The following CDH20 variants were observed in gnomAD, a reference collection of about 807,000 sequenced individuals.
CDH20 encodes the protein cadherin 20.
Under a neutral mutation model 74.2 loss-of-function variants are expected in CDH20, and 29 were observed. That is an observed-to-expected ratio of 0.39 (90% CI 0.29 to 0.53). The LOEUF is 0.53. CDH20 is among the 20% of genes least tolerant of loss of function. The probability of loss-of-function intolerance (pLI) is 0.69; values close to 1 mark genes in which losing one functional copy is unlikely to be tolerated. For synonymous variants in CDH20, 469 were observed against 405.4 expected (o/e 1.16, Z -1.88); for missense variants, 988 against 1,048.3 (o/e 0.94, Z 0.79).
intron 5 of CDH20, 61 bp downstream of exon 5, chr18:61,503,181 G>T (rs1911446303): frequency 1.5e-6 from 2 of 1,314,574 alleles, no homozygotes; most frequent in Non-Finnish European, 2.0e-6. Flanking sequence ...CCGTTGCAGA[G>T]GTGCGGGAGA....
intron 6 of CDH20, among the ~76,000 whole-genome samples, chr18:61,512,206 A>G (rs1911809346): frequency 6.6e-6 from 1 of 152,236 alleles, no homozygotes; most frequent in South Asian, 2.1e-4. Context: ...TTAGCTTTTA[A>G]GTAATCAATC....
chr18:61,493,525 C>T (rs1426599818), intron 2 of CDH20, among the ~76,000 whole-genome samples: 4 of 152,174 alleles, frequency 2.6e-5, no homozygotes, highest in African/African-American at 9.7e-5. Context: ...CAAATCAGGT[C>T]CTCATCCCAA....
chr18:61,443,163 CA>C (rs754075806), intron 1 of CDH20, among the ~76,000 whole-genome samples: 11 of 152,112 alleles, frequency 7.2e-5, no homozygotes, highest in Non-Finnish European at 1.5e-4. Flanking sequence ...GGCTGAGCAA[CA>C]ATTGTGCTTG....
chr18:61,465,353 T>C (rs532974331), intron 1 of CDH20, among the ~76,000 whole-genome samples: 85 of 152,356 alleles, frequency 5.6e-4, no homozygotes, highest in Non-Finnish European at 1.0e-3. Flanking sequence ...TTGGATCTGA[T>C]AGTTACAATT....
intron 1 of CDH20, among the ~76,000 whole-genome samples, chr18:61,474,526 C>G (rs1030992643): frequency 6.6e-6 from 1 of 152,164 alleles, no homozygotes; most frequent in African/African-American, 2.4e-5. Flanking sequence ...GAGAGGATCC[C>G]AGTCCCACCT....
intron 1 of CDH20, among the ~76,000 whole-genome samples, chr18:61,490,040 C>T (rs2144295556): frequency 1.3e-5 from 2 of 152,172 alleles, no homozygotes; most frequent in South Asian, 4.1e-4. Context: ...TAAATGAATG[C>T]TGCTTTTAAG....
At chr18:61,340,441 A>G (rs1032962680) in intron 1 of CDH20, among the ~76,000 whole-genome samples, 4 of 152,090 alleles carry the variant, frequency 2.6e-5, no homozygotes, top group African/African-American at 9.7e-5. Flanking sequence ...ATAGCATGGA[A>G]AGAGGTACAG....
Position 61,523,744 on chromosome 18 carries a change from A to G in CDH20, c.1018-4223A>G, listed in dbSNP as rs560142848. Among the ~76,000 whole-genome samples the G allele has an allele frequency of 8.5e-5, 13 of 152,348 alleles. No homozygotes were observed. The South Asian group carries it at 2.7e-3, about 32-fold the overall frequency. On this transcript the variant is annotated intron_variant, in intron 6 of 11. Coordinates refer to ENST00000262717, the MANE Select transcript of CDH20 (RefSeq NM_031891.4). ...ATACGGAATACTATGCAGCCATAAAAAAGGAGGAGTTCATGTCCTTTTCAG... is the reference window on the plus strand; with the variant it reads ...ATACGGAATACTATGCAGCCATAAAGAAGGAGGAGTTCATGTCCTTTTCAG...
rs755537510 is a variant in CDH20 at position 61,496,509 on chromosome 18, C to T, written c.247-2677C>T. On this transcript the variant is annotated intron_variant, in intron 2 of 11. Transcript: ENST00000262717. ...GGCCCACATCAAGATGAAGGTCACA[C>T]GGAAAGCGAAGGCCTCACACTCAAG... 6.6e-5 allele frequency among the ~76,000 whole-genome samples: 10 copies of T among 152,146 alleles called. 1 individual carries two copies. The highest frequency in any genetic ancestry group is 9.6e-5 in the African/African-American group (4 of 41,532).
chr18:61,555,672 TTACATG>T lies in CDH20; in HGVS notation c.*982_*987del. 3 of 975,604 alleles carry T rather than the reference TTACATG, an allele frequency of 3.1e-6. No individual in the cohort carries two copies. Among genetic ancestry groups the T allele is most frequent in the South Asian group, 4.7e-5 (1 of 21,078 alleles). The allele number at this position is 975,604 out of a possible 1,614,324, so 60.4% of individuals were successfully genotyped here. A position where few individuals can be genotyped will look rare whatever the true frequency, so the allele number is the denominator to read the frequency against. ...TAGAGAATAAATGGATGTAAGAAAA[TTACATG>T]TACAAGTTTTGTATATTTGTTAATA... On this transcript the variant is annotated 3_prime_UTR_variant, in exon 12 of 12. Coordinates refer to ENST00000262717, the MANE Select transcript of CDH20 (RefSeq NM_031891.4).
At position 61,499,411 on chromosome 18, in the gene CDH20, A is replaced by G. The variant is rs372789991; in HGVS notation, c.472A>G (p.Ile158Val). The change falls in exon 3 of 12, where the codon ATC (isoleucine) becomes GTC (valine). Residue 158 changes from isoleucine to valine, a missense_variant. Coordinates refer to ENST00000262717, the MANE Select transcript of CDH20 (RefSeq NM_031891.4). ...AGAGTTCATCATCAAAATTCAAGAC[A>G]TCAATGACAATGAGCCCAAGTTCCT... Reference protein sequence around the residue: ...ESEFIIKIQDINDNEPKFLDG... With the variant: ...ESEFIIKIQDVNDNEPKFLDG... 6.2e-7 allele frequency: 1 copy of G among 1,614,064 alleles called. No homozygotes were observed. Among genetic ancestry groups the G allele is most frequent in the Non-Finnish European group, 8.5e-7 (1 of 1,179,986 alleles).
chr18:61,391,106 C>G (rs571257171), intron 1 of CDH20, among the ~76,000 whole-genome samples: 2 of 151,934 alleles, frequency 1.3e-5, no homozygotes, highest in Admixed American at 1.3e-4. Flanking sequence ...CAAAGGGTTA[C>G]AAAAAAGTTA....
intron 1 of CDH20, among the ~76,000 whole-genome samples, chr18:61,414,916 C>T (rs1001754119): frequency 6.6e-6 from 1 of 151,984 alleles, no homozygotes; most frequent in Non-Finnish European, 1.5e-5. Context: ...ACATCACCAC[C>T]ATCCATCTCC....
At chr18:61,384,647 C>T (rs1401917579) in intron 1 of CDH20, among the ~76,000 whole-genome samples, 1 of 152,122 alleles carries the variant, frequency 6.6e-6, no homozygotes, top group African/African-American at 2.4e-5. Flanking sequence ...ACAGAATCTA[C>T]AGGATTCTCT....
chr18:61,410,852 A>G (rs1186345501), intron 1 of CDH20, among the ~76,000 whole-genome samples: 1 of 152,214 alleles, frequency 6.6e-6, no homozygotes, highest in African/African-American at 2.4e-5. Flanking sequence ...CAGCATAGGC[A>G]TAAGACCTAG....
chr18:61,406,484 G>A (rs539224935), intron 1 of CDH20, among the ~76,000 whole-genome samples: 7 of 152,342 alleles, frequency 4.6e-5, no homozygotes, highest in Non-Finnish European at 8.8e-5. Context: ...GATTGGAGGG[G>A]AGTCTCTTCC....
chr18:61,476,111 T>C (rs1461663740), intron 1 of CDH20, among the ~76,000 whole-genome samples: 1 of 151,806 alleles, frequency 6.6e-6, no homozygotes, highest in Non-Finnish European at 1.5e-5. Context: ...TCTTCTGGAG[T>C]CTCGCCACAT....
At chr18:61,361,047 A>T (rs1214568541) in intron 1 of CDH20, among the ~76,000 whole-genome samples, 2 of 152,234 alleles carry the variant, frequency 1.3e-5, no homozygotes, top group African/African-American at 4.8e-5. Flanking sequence ...TGGACAATTA[A>T]TTTGATTATC....
At chr18:61,453,633 G>A (rs537668338) in intron 1 of CDH20, among the ~76,000 whole-genome samples, 5 of 152,300 alleles carry the variant, frequency 3.3e-5, no homozygotes, top group East Asian at 1.9e-4. Context: ...AAGGCATTGC[G>A]TGTATCAATG....
Sources: gnomAD v4.1 joint callset for allele counts (sites outside exome capture counted in the v4.1 genomes callset) on GRCh38, gnomAD v4.1.1 for gene constraint, MANE v1.5 for transcripts, NCBI Gene and HGNC (gene_info 2026-07-23, HGNC 2026-07-21) for gene names.